The following BBX variants were observed in gnomAD, a reference collection of about 807,000 sequenced individuals.
BBX encodes the protein HMG box transcription factor BBX.
In BBX, 30 loss-of-function variants were observed where a neutral mutation model predicts 100.2. The observed-to-expected ratio is 0.30, with a 90% CI of 0.22 to 0.41. BBX has a LOEUF of 0.41. Among genes scored for constraint, BBX ranks in the 10% least tolerant of loss-of-function variants. The pLI is 1.00. For synonymous variants in BBX, 376 were observed against 388.1 expected, an observed-to-expected ratio of 0.97 and a Z score of 0.37; for missense variants, 1,023 against 1,129.8, an observed-to-expected ratio of 0.91 and a Z score of 1.35.
chr3:107,772,177 C>T (rs952404961), intron 10 of BBX, among the ~76,000 whole-genome samples: 18 of 152,176 alleles, frequency 1.2e-4, no homozygotes, highest in African/African-American at 4.3e-4. Context: ...CAGTTAAGTA[C>T]ATCGTTTCAC....
At chr3:107,760,783 G>T (rs766093199) in intron 10 of BBX, among the ~76,000 whole-genome samples, 11 of 152,150 alleles carry the variant, frequency 7.2e-5, no homozygotes, top group Non-Finnish European at 1.6e-4. Context: ...CAGTCTCTGG[G>T]TGACATCCAA....
intron 2 of BBX, among the ~76,000 whole-genome samples, chr3:107,611,387 G>T (rs2054838425): frequency 6.6e-6 from 1 of 152,138 alleles, no homozygotes; most frequent in Admixed American, 6.5e-5. Flanking sequence ...TCAGATTGAA[G>T]AACTTCCTGT....
At chr3:107,789,405 GAT>G (rs1363380322) in intron 13 of BBX, among the ~76,000 whole-genome samples, 2 of 152,202 alleles carry the variant, frequency 1.3e-5, no homozygotes, top group Admixed American at 6.5e-5. Flanking sequence ...TCATTGGAGA[GAT>G]AAAACACATA....
At position 107,534,111 on chromosome 3, in the gene BBX, A is replaced by G. The variant is rs1189822162; in HGVS notation, c.-84+7713A>G. On this transcript the variant is annotated intron_variant, in intron 2 of 17. Coordinates refer to ENST00000325805, the MANE Select transcript of BBX (RefSeq NM_001142568.3). ...AGACTTAAGTCAGTCTTCATTTGAT[A>G]TAGACTGGAACTGTTAATGCTAAGG... is the stretch of plus-strand genomic sequence containing the variant. 2.0e-5 allele frequency among the ~76,000 whole-genome samples: 3 copies of G among 152,234 alleles called. 1 individual carries two copies. Among genetic ancestry groups the G allele is most frequent in the South Asian group, 4.1e-4 (2 of 4,832 alleles).
intron 2 of BBX, among the ~76,000 whole-genome samples, chr3:107,570,136 C>G (rs564359941): frequency 1.3e-5 from 2 of 152,302 alleles, no homozygotes; most frequent in African/African-American, 4.8e-5. Context: ...GGAGGAACCC[C>G]TGGCTGCTGC....
intron 13 of BBX, among the ~76,000 whole-genome samples, chr3:107,781,352 C>T (rs2067870116): frequency 6.6e-6 from 1 of 152,028 alleles, no homozygotes; most frequent in African/African-American, 2.4e-5. Context: ...GGCCACTTTC[C>T]TCCAACTTGG....
chr3:107,621,277 C>T (rs1192551913), intron 2 of BBX, among the ~76,000 whole-genome samples: 4 of 152,248 alleles, frequency 2.6e-5, no homozygotes, highest in African/African-American at 4.8e-5. Flanking sequence ...TTCGAAGTTG[C>T]AGATATGTGA....
chr3:107,688,122 T>G (rs946975492), intron 3 of BBX, among the ~76,000 whole-genome samples: 4 of 152,242 alleles, frequency 2.6e-5, no homozygotes, highest in Non-Finnish European at 5.9e-5. Context: ...TCCCAGATTA[T>G]CTTTGACCAT....
intron 6 of BBX, among the ~76,000 whole-genome samples, chr3:107,730,203 C>T (rs1439734278): frequency 1.3e-5 from 2 of 152,210 alleles, no homozygotes; most frequent in Non-Finnish European, 2.9e-5. Context: ...GATGCTTCTA[C>T]ATGTCCCAGA....
At chr3:107,641,552 C>T (rs2057214777) in intron 2 of BBX, among the ~76,000 whole-genome samples, 1 of 152,018 alleles carries the variant, frequency 6.6e-6, no homozygotes, top group African/African-American at 2.4e-5. Context: ...TTGGAGAATC[C>T]AAACAAATGG....
intron 15 of BBX, among the ~76,000 whole-genome samples, chr3:107,798,131 TTC>T (rs1321700846): frequency 6.6e-6 from 1 of 152,180 alleles, no homozygotes; most frequent in East Asian, 1.9e-4. Flanking sequence ...CTGAAGAAAT[TTC>T]TTTTACCATC....
intron 8 of BBX, 49 bp from the exon 9 acceptor site, chr3:107,747,916 G>A: frequency 1.4e-6 from 2 of 1,479,584 alleles, no homozygotes; most frequent in Non-Finnish European, 1.9e-6. Flanking sequence ...CTTATGATCT[G>A]ATGTGGAAAA....
intron 3 of BBX, among the ~76,000 whole-genome samples, chr3:107,699,119 T>C: frequency 6.6e-6 from 1 of 151,580 alleles, no homozygotes; most frequent in Non-Finnish European, 1.5e-5. Flanking sequence ...TCTGTCACAG[T>C]TGAGTGTGAT....
intron 2 of BBX, among the ~76,000 whole-genome samples, chr3:107,629,385 G>C (rs745547465): frequency 6.6e-6 from 1 of 152,152 alleles, no homozygotes; most frequent in African/African-American, 2.4e-5. Flanking sequence ...CAAAGATACC[G>C]ATGAATTATG....
chr3:107,801,508 A>C (rs1156503726), intron 17 of BBX, among the ~76,000 whole-genome samples: 1 of 152,194 alleles, frequency 6.6e-6, no homozygotes, highest in Non-Finnish European at 1.5e-5. Context: ...CTGTGGCTAA[A>C]CTTCATTTCC....
At chr3:107,783,622 G>A (rs893584488) in intron 13 of BBX, among the ~76,000 whole-genome samples, 1 of 151,906 alleles carries the variant, frequency 6.6e-6, no homozygotes, top group Non-Finnish European at 1.5e-5. Flanking sequence ...ATAATCCTGA[G>A]TAGTAATTTT....
chr3:107,634,789 A>G (rs769976980), intron 2 of BBX, among the ~76,000 whole-genome samples: 3 of 152,220 alleles, frequency 2.0e-5, no homozygotes, highest in Non-Finnish European at 4.4e-5. Context: ...TTTGGAAATA[A>G]ATCTTAGGTC....
chr3:107,599,854 G>A (rs1032124110), intron 2 of BBX, among the ~76,000 whole-genome samples: 5 of 152,048 alleles, frequency 3.3e-5, no homozygotes, highest in African/African-American at 9.7e-5. Flanking sequence ...TTTTGGTGGC[G>A]GTTGTCTGTA....
At chr3:107,541,319 T>A (rs1361565726) in intron 2 of BBX, among the ~76,000 whole-genome samples, 1 of 151,910 alleles carries the variant, frequency 6.6e-6, no homozygotes, top group Admixed American at 6.6e-5. Flanking sequence ...TGAGCTAAAA[T>A]TTTTTTTTCT....
Sources: gnomAD v4.1 joint callset for allele counts (sites outside exome capture counted in the v4.1 genomes callset) on GRCh38, gnomAD v4.1.1 for gene constraint, MANE v1.5 for transcripts, NCBI Gene and HGNC (gene_info 2026-07-23, HGNC 2026-07-21) for gene names.